DYM: variants seen among roughly 807,000 people sequenced by gnomAD.
The protein encoded by DYM is dymeclin.
In DYM, 78 loss-of-function variants were observed where a neutral mutation model predicts 93.1. The ratio of observed to expected loss-of-function variants is 0.84; its 90% CI spans 0.70 to 1.01. The LOEUF (loss-of-function observed/expected upper bound fraction) is 1.01, where lower values mean the gene tolerates loss of function less well. DYM is among the 50% of genes least tolerant of loss of function. DYM has a pLI of 0.00. For missense variants in DYM, 789 were observed against 845.0 expected (o/e 0.93, Z 0.82); for synonymous variants, 321 against 319.7 (o/e 1.00, Z -0.04).
At chr18:49,430,607 C>T (rs1024692707) in intron 1 of DYM, among the ~76,000 whole-genome samples, 160 bp from the exon 2 acceptor site, 1 of 152,096 alleles carries the variant, frequency 6.6e-6, no homozygotes, top group African/African-American at 2.4e-5. Context: ...TGGGGCTAGG[C>T]CAGGCATGGT....
chr18:49,210,378 TA>T (rs1233702532), intron 13 of DYM, among the ~76,000 whole-genome samples: 1 of 152,068 alleles, frequency 6.6e-6, no homozygotes, highest in Non-Finnish European at 1.5e-5. Flanking sequence ...TATTTAGGGC[TA>T]AAAAAATGAG....
intron 8 of DYM, among the ~76,000 whole-genome samples, chr18:49,300,285 T>C (rs892071241): frequency 6.6e-5 from 10 of 151,546 alleles, no homozygotes; most frequent in Admixed American, 6.6e-4. Context: ...AAGAATCAAT[T>C]TGGAAACTAC....
intron 6 of DYM, among the ~76,000 whole-genome samples, chr18:49,351,694 G>A (rs1486828146): frequency 1.3e-5 from 2 of 151,840 alleles, no homozygotes; most frequent in African/African-American, 2.4e-5. Context: ...AAAACTCTAG[G>A]GAATACTGAT....
At chr18:49,144,017 T>C (rs1482517291) in intron 15 of DYM, among the ~76,000 whole-genome samples, 3 of 152,184 alleles carry the variant, frequency 2.0e-5, no homozygotes, top group Non-Finnish European at 4.4e-5. Context: ...TAGTAATCCC[T>C]GAAAATTACC....
chr18:49,080,561 C>CCCG (rs1302977233), intron 17 of DYM, among the ~76,000 whole-genome samples: 158 of 143,538 alleles, frequency 1.1e-3, no homozygotes, highest in African/African-American at 4.1e-3. Context: ...CCCCTCACCT[C>CCCG]CCGGACGGGG....
intron 13 of DYM, among the ~76,000 whole-genome samples, chr18:49,247,278 T>C (rs1417565551): frequency 4.6e-5 from 7 of 152,094 alleles, no homozygotes; most frequent in Admixed American, 4.6e-4. Context: ...AAGAAATGAA[T>C]ATTCTGGCTC....
intron 13 of DYM, among the ~76,000 whole-genome samples, chr18:49,212,009 T>C (rs966936329): frequency 6.6e-6 from 1 of 152,158 alleles, no homozygotes; most frequent in Non-Finnish European, 1.5e-5. Context: ...ACATCAGTAA[T>C]GGAACAAGTA....
intron 6 of DYM, among the ~76,000 whole-genome samples, chr18:49,337,012 T>C (rs1276870776): frequency 6.6e-6 from 1 of 152,216 alleles, no homozygotes; most frequent in South Asian, 2.1e-4. Flanking sequence ...TAGTATATAA[T>C]AGGTACTCAA....
chr18:49,165,667 T>G (rs919781865), intron 14 of DYM, among the ~76,000 whole-genome samples: 18 of 152,182 alleles, frequency 1.2e-4, no homozygotes, highest in Admixed American at 9.8e-4. Flanking sequence ...GAATATTATT[T>G]ACATTTATAC....
intron 1 of DYM, among the ~76,000 whole-genome samples, chr18:49,445,814 T>C (rs2082047627): frequency 6.6e-6 from 1 of 152,154 alleles, no homozygotes; most frequent in South Asian, 2.1e-4. Context: ...TCAAAGTATT[T>C]GGTAAAAATT....
At chr18:49,275,100 A>G (rs1187094607) in intron 10 of DYM, among the ~76,000 whole-genome samples, 2 of 152,168 alleles carry the variant, frequency 1.3e-5, no homozygotes. Context: ...AGAGGTTTAT[A>G]GTTTTAGCTC....
At chr18:49,309,060 T>A (rs2061435954) in intron 8 of DYM, among the ~76,000 whole-genome samples, 2 of 152,192 alleles carry the variant, frequency 1.3e-5, no homozygotes, top group Non-Finnish European at 2.9e-5. Flanking sequence ...ATATTGTCAT[T>A]AGCATTACGT....
intron 14 of DYM, among the ~76,000 whole-genome samples, chr18:49,180,824 C>T (rs2089857286): frequency 6.6e-6 from 1 of 152,086 alleles, no homozygotes; most frequent in South Asian, 2.1e-4. Context: ...TTAAGAGTTG[C>T]TGTGATGGTT....
At chr18:49,446,474 T>C (rs2082100957) in intron 1 of DYM, among the ~76,000 whole-genome samples, 1 of 152,162 alleles carries the variant, frequency 6.6e-6, no homozygotes, top group African/African-American at 2.4e-5. Flanking sequence ...TAATCAATGA[T>C]TCATATAAAC....
At chr18:49,086,447 C>A (rs2078534991) in intron 17 of DYM, among the ~76,000 whole-genome samples, 1 of 152,282 alleles carries the variant, frequency 6.6e-6, no homozygotes, top group Admixed American at 6.5e-5. Context: ...CCTCATGATC[C>A]AATCACACTT....
At chr18:49,439,529 C>G (rs1052161346) in intron 1 of DYM, among the ~76,000 whole-genome samples, 2 of 152,150 alleles carry the variant, frequency 1.3e-5, no homozygotes, top group Admixed American at 6.5e-5. Flanking sequence ...TCTTCCTTAT[C>G]CCTAATCAAT....
intron 8 of DYM, among the ~76,000 whole-genome samples, chr18:49,318,102 C>T (rs1031398676): frequency 7.2e-5 from 11 of 152,156 alleles, no homozygotes; most frequent in South Asian, 2.1e-4. Context: ...CACACCCTTG[C>T]CCCAAGGTCC....
intron 14 of DYM, among the ~76,000 whole-genome samples, chr18:49,187,231 A>G (rs1188290422): frequency 2.0e-5 from 3 of 152,080 alleles, no homozygotes; most frequent in Non-Finnish European, 4.4e-5. Context: ...GCTGGTACAC[A>G]GTCTAAGAAA....
chr18:49,275,527 A>G (rs1008088397), intron 10 of DYM, among the ~76,000 whole-genome samples: 5 of 152,140 alleles, frequency 3.3e-5, no homozygotes, highest in South Asian at 2.1e-4. Flanking sequence ...TCTAATAGGT[A>G]TTGTGCTCAA....
Sources: gnomAD v4.1 joint callset for allele counts (sites outside exome capture counted in the v4.1 genomes callset) on GRCh38, gnomAD v4.1.1 for gene constraint, MANE v1.5 for transcripts, NCBI Gene and HGNC (gene_info 2026-07-23, HGNC 2026-07-21) for gene names.